Variants in PCDHGA3 observed in about 807,000 individuals in gnomAD.
The protein encoded by PCDHGA3 is protocadherin gamma-A3.
PCDHGA3 carries 40 observed loss-of-function variants against 58.5 expected under a neutral mutation model. The ratio of observed to expected loss-of-function variants is 0.68; its 90% CI spans 0.53 to 0.89. The LOEUF (loss-of-function observed/expected upper bound fraction) is 0.89, where lower values mean the gene tolerates loss of function less well. Among genes scored for constraint, PCDHGA3 ranks in the 40% least tolerant of loss-of-function variants. The pLI, the probability that PCDHGA3 is intolerant of heterozygous loss-of-function variation, is 0.00. For synonymous variants in PCDHGA3, 530 were observed against 525.7 expected (o/e 1.01, Z -0.11); for missense variants, 1,223 against 1,195.9 (o/e 1.02, Z -0.33).
At chr5:141,403,144 C>A in intron 1 of PCDHGA3, 10 of 1,614,042 alleles carry the variant, frequency 6.2e-6, no homozygotes, top group Non-Finnish European at 8.5e-6. Flanking sequence ...AGCGCCGAGT[C>A]CGCATCGTCT....
intron 1 of PCDHGA3, chr5:141,376,167 T>C (rs1772357284): frequency 3.1e-6 from 5 of 1,614,124 alleles, no homozygotes; most frequent in East Asian, 2.2e-5. Context: ...TACCTGGTGG[T>C]GGCGGTGGCC....
chr5:141,390,164 G>A (rs370376667), intron 1 of PCDHGA3: 200 of 1,613,888 alleles, frequency 1.2e-4, no homozygotes, highest in Non-Finnish European at 1.6e-4. Context: ...CAGGAAAGAC[G>A]GAGTTTAATT....
At chr5:141,415,189 A>G (rs575244490) in intron 1 of PCDHGA3, 2 of 1,613,958 alleles carry the variant, frequency 1.2e-6, no homozygotes, top group Non-Finnish European at 1.7e-6. Context: ...GGCCGACAGC[A>G]TCCCCCAAGT....
intron 1 of PCDHGA3, chr5:141,365,501 C>T (rs1377875429): frequency 6.2e-7 from 1 of 1,613,806 alleles, no homozygotes; most frequent in African/African-American, 1.3e-5. Flanking sequence ...TAGGAATTTG[C>T]CTTTTAAATT....
chr5:141,422,052 CG>C (rs1282698929), intron 1 of PCDHGA3: 1 of 1,611,298 alleles, frequency 6.2e-7, no homozygotes, highest in South Asian at 1.1e-5. Context: ...AGGGAATCAA[CG>C]GGGAAGTAAT....
intron 1 of PCDHGA3, among the ~76,000 whole-genome samples, chr5:141,474,294 G>A (rs535055214): frequency 1.3e-5 from 2 of 152,296 alleles, no homozygotes; most frequent in African/African-American, 4.8e-5. Context: ...CTAGATCAGT[G>A]CTTGTCAAAC....
Position 141,485,616 on chromosome 5 carries a change from C to T in PCDHGA3, c.2425-9191C>T. On this transcript the variant is annotated intron_variant, in intron 1 of 3. Coordinates refer to ENST00000253812, the MANE Select transcript of PCDHGA3 (RefSeq NM_018916.4). This position sits in a 1 kb window ranked among gnomAD's most constrained non-coding sequence, Gnocchi z 5.7. ...TTGGAAATTGGGGAGGCAGCTCCTCCAGGACAGCGTTTCCCGTTGGAAAAG... is the reference window on the plus strand; with the variant it reads ...TTGGAAATTGGGGAGGCAGCTCCTCTAGGACAGCGTTTCCCGTTGGAAAAG... 1 of 1,612,210 alleles carries T rather than the reference C, an allele frequency of 6.2e-7. No individual in the cohort carries two copies.
intron 3 of PCDHGA3, 162 bp downstream of exon 3, chr5:141,505,643 T>C: frequency 1.0e-6 from 1 of 967,852 alleles, no homozygotes. Context: ...AAGCCTGGAA[T>C]TGTGGCTAAG....
At chr5:141,353,541 T>C (rs1218571073) in intron 1 of PCDHGA3, among the ~76,000 whole-genome samples, 1 of 152,230 alleles carries the variant, frequency 6.6e-6, no homozygotes, top group East Asian at 1.9e-4. Flanking sequence ...CATCACTAAC[T>C]TTGAGTCAAT....
Position 141,432,405 on chromosome 5 carries a change from GC to G in PCDHGA3, c.2425-62400del. On this transcript the variant is annotated intron_variant, in intron 1 of 3. Coordinates refer to ENST00000253812, the MANE Select transcript of PCDHGA3 (RefSeq NM_018916.4). This position sits in a 1 kb window ranked among gnomAD's most constrained non-coding sequence, Gnocchi z 6.0. ...CCCCTCAGCAGCAACGTGTCGTTGA[GC>G]CTGTTCGTGCTGGACCAGAACGACA... The G allele has an allele frequency of 6.2e-7, 1 of 1,614,246 alleles. No individual in the cohort carries two copies. Among genetic ancestry groups the G allele is most frequent in the South Asian group, 1.1e-5 (1 of 91,084 alleles).
At position 141,400,239 on chromosome 5, in the gene PCDHGA3, T is replaced by G. The variant is rs1306520918; in HGVS notation, c.2424+53782T>G. Reference sequence around the variant, plus strand: ...CAGTGCTCTTCCTCCTGGCCGTGATTCTGGCCGTTGCCTTGCGCCTGCGAC... The same window carrying G: ...CAGTGCTCTTCCTCCTGGCCGTGATGCTGGCCGTTGCCTTGCGCCTGCGAC... On this transcript the variant is annotated intron_variant, in intron 1 of 3. Coordinates refer to ENST00000253812, the MANE Select transcript of PCDHGA3 (RefSeq NM_018916.4). 1.9e-6 allele frequency: 3 copies of G among 1,614,054 alleles called. No individual in the cohort carries two copies. The highest frequency in any genetic ancestry group is 2.2e-5 in the East Asian group (1 of 44,880).
intron 1 of PCDHGA3, chr5:141,383,327 T>G (rs576010988): frequency 1.2e-6 from 2 of 1,613,978 alleles, no homozygotes; most frequent in South Asian, 2.2e-5. Context: ...GTAAAAATAA[T>G]GGAGAATACA....
chr5:141,360,237 C>A, intron 1 of PCDHGA3: 1 of 1,613,902 alleles, frequency 6.2e-7, no homozygotes, highest in Non-Finnish European at 8.5e-7. Flanking sequence ...TCCAGATCCG[C>A]TATTCAATTC....
At chr5:141,460,459 T>A (rs2098989808) in intron 1 of PCDHGA3, among the ~76,000 whole-genome samples, 1 of 152,176 alleles carries the variant, frequency 6.6e-6, no homozygotes, top group South Asian at 2.1e-4. Flanking sequence ...ATTCATATTT[T>A]TTTCCAAAGG....
intron 1 of PCDHGA3, chr5:141,366,451 C>G: frequency 6.2e-7 from 1 of 1,614,228 alleles, no homozygotes; most frequent in Non-Finnish European, 8.5e-7. Context: ...TCCTGGCCTT[C>G]GTCATCGTGC....
At chr5:141,454,087 T>A (rs1251936767) in intron 1 of PCDHGA3, among the ~76,000 whole-genome samples, 4 of 152,198 alleles carry the variant, frequency 2.6e-5, no homozygotes, top group Non-Finnish European at 5.9e-5. Context: ...TCAGTGAAAT[T>A]TGAATTGAAC....
intron 1 of PCDHGA3, chr5:141,427,949 C>T (rs2097092193): frequency 1.3e-6 from 2 of 1,586,882 alleles, no homozygotes; most frequent in South Asian, 1.1e-5. Context: ...ACCTCAATGA[C>T]AATGTGCCGC....
intron 1 of PCDHGA3, chr5:141,413,940 TC>T (rs1190444840): frequency 1.2e-6 from 2 of 1,613,390 alleles, no homozygotes; most frequent in East Asian, 2.2e-5. Context: ...GAGTGAGTGT[TC>T]CTGAGAATTT....
At position 141,486,881 on chromosome 5, in the gene PCDHGA3, G is replaced by T. The variant is rs114512641; in HGVS notation, c.2425-7926G>T. The T allele has an allele frequency of 1.3e-5, 21 of 1,614,090 alleles. No homozygotes were observed. The East Asian group carries it at 4.7e-4, about 36-fold the overall frequency. ...TGCTCCAGCTGTGCTCCGTCCTCGG[G>T]CCCGGCCTGGTTCCTTATGTCCCCA... is the stretch of plus-strand genomic sequence containing the variant. On this transcript the variant is annotated intron_variant, in intron 1 of 3. Coordinates refer to ENST00000253812, the MANE Select transcript of PCDHGA3 (RefSeq NM_018916.4). This position sits in a 1 kb window ranked among gnomAD's most constrained non-coding sequence, Gnocchi z 5.0.
Sources: gnomAD v4.1 joint callset for allele counts (sites outside exome capture counted in the v4.1 genomes callset) on GRCh38, gnomAD v4.1.1 for gene constraint, Gnocchi (gnomAD v3.1) non-coding constraint, MANE v1.5 for transcripts, NCBI Gene and HGNC (gene_info 2026-07-23, HGNC 2026-07-21) for gene names.